The following DSCAML1 variants were observed in gnomAD, a reference collection of about 807,000 sequenced individuals.
The protein encoded by DSCAML1 is cell adhesion molecule DSCAML1.
DSCAML1 carries 38 observed loss-of-function variants against 200.5 expected under a neutral mutation model. The ratio of observed to expected loss-of-function variants is 0.19; its 90% CI spans 0.15 to 0.25. The LOEUF (loss-of-function observed/expected upper bound fraction) is 0.25, where lower values mean the gene tolerates loss of function less well. Among genes scored for constraint, DSCAML1 ranks in the 10% least tolerant of loss-of-function variants. The probability of loss-of-function intolerance (pLI) is 1.00; values close to 1 mark genes in which losing one functional copy is unlikely to be tolerated. For missense variants in DSCAML1, 2,223 were observed against 2,858.8 expected, an observed-to-expected ratio of 0.78 and a Z score of 5.07; for synonymous variants, 1,215 against 1,165.0, an observed-to-expected ratio of 1.04 and a Z score of -0.87.
At chr11:117,812,635 G>C (rs1216787443) in intron 1 of DSCAML1, among the ~76,000 whole-genome samples, 7 of 151,850 alleles carry the variant, frequency 4.6e-5, no homozygotes, top group African/African-American at 7.2e-5. Flanking sequence ...CTGCCACAAG[G>C]CTTCACAGAC....
At chr11:117,634,980 C>T (rs756035644) in intron 3 of DSCAML1, among the ~76,000 whole-genome samples, 13 of 152,170 alleles carry the variant, frequency 8.5e-5, no homozygotes, top group Non-Finnish European at 1.9e-4. Context: ...AGTGTGGCCA[C>T]GCCATAAGTC....
At chr11:117,491,434 A>G (rs2049179310) in intron 11 of DSCAML1, among the ~76,000 whole-genome samples, 2 of 152,230 alleles carry the variant, frequency 1.3e-5, no homozygotes, top group South Asian at 4.1e-4. Flanking sequence ...GAGTCAGGCC[A>G]TGGCCCAGGT....
chr11:117,429,446 C>G (rs1211235541), intron 32 of DSCAML1, among the ~76,000 whole-genome samples: 3 of 152,206 alleles, frequency 2.0e-5, no homozygotes, highest in Admixed American at 2.0e-4. Flanking sequence ...CTCTGTCATC[C>G]AGGCTGGAGT....
intron 1 of DSCAML1, among the ~76,000 whole-genome samples, chr11:117,792,805 C>A (rs1164488782): frequency 1.3e-5 from 2 of 152,186 alleles, no homozygotes; most frequent in African/African-American, 2.4e-5. Context: ...ATGAGAGGAG[C>A]AACCCACATC....
rs1261187604 is a variant in DSCAML1, at chr11:117,486,063, G to A, written c.2360-3901C>T. On this transcript the variant is annotated intron_variant, in intron 11 of 32. Coordinates refer to ENST00000651296, the MANE Select transcript of DSCAML1 (RefSeq NM_020693.4). ...CTACCTCACATGTACAAGTGGCAGGGAAAAGGGTGTGTGGCTTGACATGCA... is the reference window on the plus strand; with the variant it reads ...CTACCTCACATGTACAAGTGGCAGGAAAAAGGGTGTGTGGCTTGACATGCA... 5.9e-5 allele frequency among the ~76,000 whole-genome samples: 9 copies of A among 152,246 alleles called. 1 individual carries two copies. The highest frequency in any genetic ancestry group is 4.6e-4 in the Admixed American group (7 of 15,280).
intron 5 of DSCAML1, among the ~76,000 whole-genome samples, chr11:117,524,565 G>A (rs2049940412): frequency 6.6e-6 from 1 of 152,222 alleles, no homozygotes; most frequent in Non-Finnish European, 1.5e-5. Context: ...TGAGCTGATG[G>A]TCATGGTTAT....
At chr11:117,481,896 G>A in intron 12 of DSCAML1, 67 bp downstream of exon 12, 2 of 1,588,542 alleles carry the variant, frequency 1.3e-6, no homozygotes, top group Non-Finnish European at 1.7e-6. Context: ...GGATGCAGAT[G>A]TGATAGCTGC....
intron 1 of DSCAML1, among the ~76,000 whole-genome samples, chr11:117,793,769 C>CTA (rs1389291790): frequency 1.3e-5 from 2 of 152,336 alleles, no homozygotes; most frequent in East Asian, 3.9e-4. Flanking sequence ...GCCTTTGGGT[C>CTA]TACTGCTTAC....
intron 8 of DSCAML1, among the ~76,000 whole-genome samples, chr11:117,512,844 A>G (rs1344307396): frequency 1.3e-5 from 2 of 150,828 alleles, no homozygotes; most frequent in Non-Finnish European, 2.9e-5. Flanking sequence ...CCTGGGCTGC[A>G]GAGACACTGT....
At position 117,465,090 on chromosome 11, in the gene DSCAML1, G is replaced by A; in HGVS notation, c.3117C>T (p.Ile1039=). 1.9e-6 allele frequency: 3 copies of A among 1,613,980 alleles called. No homozygotes were observed. Among genetic ancestry groups the A allele is most frequent in the Non-Finnish European group, 2.5e-6 (3 of 1,179,968 alleles). Residue 1039 remains isoleucine, a synonymous_variant, in exon 17 of 33, where the codon ATC becomes ATT. Coordinates refer to ENST00000651296, the MANE Select transcript of DSCAML1 (RefSeq NM_020693.4). Reference sequence around the variant, plus strand: ...TGTCCCCCGTGGCCTTCATCTCCACGATGCTGTACTGCCCGTTGCTGCCGG... The same window carrying A: ...TGTCCCCCGTGGCCTTCATCTCCACAATGCTGTACTGCCCGTTGCTGCCGG... ...NSPGSNGQYS[I]VEMKATGDSE...
chr11:117,430,596 C>CA, intron 32 of DSCAML1, 126 bp downstream of exon 32: 1 of 1,127,912 alleles, frequency 8.9e-7, no homozygotes, highest in African/African-American at 1.6e-5. Flanking sequence ...TACCACCCTG[C>CA]ACTGCCAAGG....
intron 4 of DSCAML1, among the ~76,000 whole-genome samples, chr11:117,529,802 T>G: frequency 6.6e-6 from 1 of 151,408 alleles, no homozygotes; most frequent in Non-Finnish European, 1.5e-5. Flanking sequence ...CTCTGGGGAG[T>G]GGAACCCAAG....
chr11:117,686,432 C>T (rs1040117520), intron 3 of DSCAML1, among the ~76,000 whole-genome samples: 1 of 152,336 alleles, frequency 6.6e-6, no homozygotes. Context: ...CCTGATCCCA[C>T]CAGTGGCAGA....
At chr11:117,733,585 G>C (rs968709177) in intron 3 of DSCAML1, among the ~76,000 whole-genome samples, 2 of 152,196 alleles carry the variant, frequency 1.3e-5, no homozygotes, top group African/African-American at 2.4e-5. Context: ...GCGGTCCCTC[G>C]ACACGGCAAG....
intron 11 of DSCAML1, among the ~76,000 whole-genome samples, chr11:117,493,526 G>C (rs564731192): frequency 1.3e-5 from 2 of 152,058 alleles, no homozygotes; most frequent in East Asian, 3.9e-4. Flanking sequence ...ATGTTGGCCA[G>C]GGTGGTCTCC....
chr11:117,560,710 A>G (rs2050646154), intron 3 of DSCAML1, among the ~76,000 whole-genome samples: 1 of 152,186 alleles, frequency 6.6e-6, no homozygotes, highest in South Asian at 2.1e-4. Context: ...CCTGAGACTC[A>G]GAGTGTCAGA....
At chr11:117,621,569 T>G (rs762723338) in intron 3 of DSCAML1, among the ~76,000 whole-genome samples, 10 of 152,238 alleles carry the variant, frequency 6.6e-5, no homozygotes, top group Non-Finnish European at 1.2e-4. Context: ...AGGTCCATTT[T>G]CTTTAAAAAA....
chr11:117,805,537 GTTGTTT>G (rs552014415), intron 1 of DSCAML1, among the ~76,000 whole-genome samples: 62 of 152,318 alleles, frequency 4.1e-4, no homozygotes, highest in Admixed American at 9.2e-4. Context: ...TTTTGTGGGA[GTTGTTT>G]TTGTTTTTGT....
intron 3 of DSCAML1, among the ~76,000 whole-genome samples, chr11:117,720,758 G>A (rs1204435234): frequency 2.6e-5 from 4 of 152,240 alleles, no homozygotes; most frequent in African/African-American, 9.6e-5. Flanking sequence ...CTTGGCTTGA[G>A]CAGGGTGTGT....
Sources: allele counts gnomAD v4.1 joint callset (sites outside exome capture counted in the v4.1 genomes callset), GRCh38; gene constraint gnomAD v4.1.1; transcripts MANE v1.5; gene names NCBI Gene and HGNC (gene_info 2026-07-23, HGNC 2026-07-21).